GARNL3: variants seen among roughly 807,000 people sequenced by gnomAD.
The protein encoded by GARNL3 is GTPase activating Rap/RanGAP domain like 3.
GARNL3 carries 63 observed loss-of-function variants against 125.0 expected under a neutral mutation model. That is an observed-to-expected ratio of 0.50 (90% confidence interval 0.41 to 0.62). The LOEUF (loss-of-function observed/expected upper bound fraction) is 0.62. GARNL3 is among the 20% of genes least tolerant of loss of function. The pLI, the probability that GARNL3 is intolerant of heterozygous loss-of-function variation, is 0.00. For synonymous variants in GARNL3, 439 were observed against 457.5 expected, an observed-to-expected ratio of 0.96 and a Z score of 0.52; for missense variants, 994 against 1,244.0, an observed-to-expected ratio of 0.80 and a Z score of 3.02.
intron 21 of GARNL3, among the ~76,000 whole-genome samples, chr9:127,361,300 T>A (rs1830987048): frequency 6.6e-6 from 1 of 151,954 alleles, no homozygotes; most frequent in Admixed American, 6.6e-5. Context: ...AGAGACAGGG[T>A]CTAGCTCTGT....
At chr9:127,238,219 C>T (rs765597907) in intron 1 of GARNL3, among the ~76,000 whole-genome samples, 1 of 152,138 alleles carries the variant, frequency 6.6e-6, no homozygotes, top group Non-Finnish European at 1.5e-5. Flanking sequence ...GAACTCCTGA[C>T]CTCGTGATCC....
chr9:127,387,363 T>C (rs1339731242), intron 25 of GARNL3, 32 bp downstream of exon 25: 1 of 1,573,756 alleles, frequency 6.4e-7, no homozygotes, highest in Non-Finnish European at 8.7e-7. Flanking sequence ...TTTATTAATA[T>C]TTGTAATTCA....
At chr9:127,294,291 C>T (rs1303995829) in intron 2 of GARNL3, among the ~76,000 whole-genome samples, 2 of 152,172 alleles carry the variant, frequency 1.3e-5, no homozygotes, top group African/African-American at 4.8e-5. Context: ...GGTAAGCACT[C>T]CAGTGCTTTT....
At chr9:127,230,712 T>TTGCC (rs2062985507) in intron 1 of GARNL3, among the ~76,000 whole-genome samples, 1 of 151,592 alleles carries the variant, frequency 6.6e-6, no homozygotes, top group African/African-American at 2.4e-5. Context: ...TTTCCTCCCC[T>TTGCC]TGCCTGATTG....
intron 26 of GARNL3, among the ~76,000 whole-genome samples, chr9:127,390,374 G>A (rs1303765867): frequency 6.6e-6 from 1 of 152,186 alleles, no homozygotes; most frequent in African/African-American, 2.4e-5. Flanking sequence ...GAATTACAGG[G>A]TTATCAACGG....
intron 24 of GARNL3, among the ~76,000 whole-genome samples, chr9:127,386,855 G>A (rs184756764): frequency 1.4e-4 from 22 of 152,310 alleles, no homozygotes; most frequent in East Asian, 5.8e-4. Context: ...GATCTTTCCC[G>A]TTCTAACACT....
At chr9:127,365,969 A>ATC in intron 22 of GARNL3, among the ~76,000 whole-genome samples, 1 of 152,196 alleles carries the variant, frequency 6.6e-6, no homozygotes, top group Non-Finnish European at 1.5e-5. Flanking sequence ...TGTTGGGCAG[A>ATC]CCAAAGGTAT....
intron 27 of GARNL3, 128 bp downstream of exon 27, chr9:127,390,895 C>A: frequency 1.1e-6 from 1 of 931,604 alleles, no homozygotes; most frequent in Non-Finnish European, 1.6e-6. Context: ...GGGCCAGCAG[C>A]CTGTTCCTCT....
Position 127,355,305 on chromosome 9 carries a change from C to A in GARNL3, c.1768C>A (p.Leu590Met), listed in dbSNP as rs1588919423. 1 of 1,613,962 alleles carries A rather than the reference C, an allele frequency of 6.2e-7. No individual in the cohort carries two copies. The highest frequency in any genetic ancestry group is 2.2e-5 in the East Asian group (1 of 44,880). Residue 590 changes from leucine to methionine, a missense_variant, in exon 20 of 28, where the codon CTG becomes ATG. Physicochemically the swap from Leu to Met is conservative, Grantham distance 15. Transcript: ENST00000373387. ...NKLEKTKGCHLYAINTHHSRE... is the reference protein window; with the variant it reads ...NKLEKTKGCHMYAINTHHSRE... ...TTTCTTTCTCCTCCCAGGCTGCCAC[C>A]TGTATGCTATTAACACTCACCACAG... is the stretch of plus-strand genomic sequence containing the variant.
chr9:127,292,667 C>T (rs2812272), intron 2 of GARNL3, among the ~76,000 whole-genome samples: 123,908 of 152,256 alleles, frequency 0.81, 51,071 homozygotes, highest in African/African-American at 0.94. Context: ...AGGAAATACA[C>T]ACCTCCCAGG....
chr9:127,268,981 T>C (rs2063759960), intron 1 of GARNL3, among the ~76,000 whole-genome samples: 1 of 152,214 alleles, frequency 6.6e-6, no homozygotes, highest in Non-Finnish European at 1.5e-5. Context: ...ACATTTTGTT[T>C]ATCCATTTAT....
intron 6 of GARNL3, among the ~76,000 whole-genome samples, chr9:127,322,342 A>C (rs998792680): frequency 6.6e-6 from 1 of 151,940 alleles, no homozygotes; most frequent in African/African-American, 2.4e-5. Flanking sequence ...CTACTGAGCC[A>C]GTTCCCTCGG....
At chr9:127,237,689 C>T (rs2063137532) in intron 1 of GARNL3, among the ~76,000 whole-genome samples, 2 of 152,194 alleles carry the variant, frequency 1.3e-5, no homozygotes, top group South Asian at 4.1e-4. Flanking sequence ...GTGGGAACCA[C>T]CTTATTGGGT....
chr9:127,286,575 C>T (rs1226265421), intron 1 of GARNL3, among the ~76,000 whole-genome samples: 1 of 152,158 alleles, frequency 6.6e-6, no homozygotes, highest in Non-Finnish European at 1.5e-5. Context: ...GCATTTTCTT[C>T]TCAGTTCTAG....
chr9:127,361,568 T>A (rs1366968283), intron 21 of GARNL3: 1 of 152,222 alleles, frequency 6.6e-6, no homozygotes, highest in Admixed American at 6.5e-5. Context: ...GATCTCATTG[T>A]GCTAAGTGTT....
chr9:127,256,056 C>G (rs2063490454), intron 2 of GARNL3, among the ~76,000 whole-genome samples: 1 of 152,126 alleles, frequency 6.6e-6, no homozygotes, highest in African/African-American at 2.4e-5. Context: ...GGAGGTATGC[C>G]ACAACATATG....
chr9:127,380,202 GTGT>G (rs1832173684), intron 22 of GARNL3, among the ~76,000 whole-genome samples: 1 of 139,068 alleles, frequency 7.2e-6, no homozygotes, highest in Non-Finnish European at 1.5e-5. Context: ...CAAAAAATAT[GTGT>G]GTGTGTGTGT....
At chr9:127,316,996 G>A (rs997970475) in intron 4 of GARNL3, among the ~76,000 whole-genome samples, 2 of 152,178 alleles carry the variant, frequency 1.3e-5, no homozygotes, top group African/African-American at 2.4e-5. Flanking sequence ...ACTAATCAAA[G>A]TCAGGAAGAA....
chr9:127,354,879 G>A (rs1259734528), intron 19 of GARNL3, among the ~76,000 whole-genome samples: 3 of 151,970 alleles, frequency 2.0e-5, no homozygotes, highest in African/African-American at 4.8e-5. Context: ...TACAACCTCC[G>A]CCTCCTGGGT....
Sources: gnomAD v4.1 joint callset for allele counts (sites outside exome capture counted in the v4.1 genomes callset) on GRCh38, gnomAD v4.1.1 for gene constraint, MANE v1.5 for transcripts, NCBI Gene and HGNC (gene_info 2026-07-23, HGNC 2026-07-21) for gene names.